The following ADAMTS19 variants were observed in gnomAD, a reference collection of about 807,000 sequenced individuals.
ADAMTS19 encodes A disintegrin and metalloproteinase with thrombospondin motifs 19.
Under a neutral mutation model 153.3 loss-of-function variants are expected in ADAMTS19, and 93 were observed. The observed-to-expected ratio is 0.61, with a 90% CI of 0.51 to 0.72. The LOEUF is 0.72. Ranked by LOEUF, ADAMTS19 falls within the 30% of genes least tolerant of loss-of-function variation. The probability of loss-of-function intolerance (pLI) is 0.00; values close to 1 mark genes in which losing one functional copy is unlikely to be tolerated. For synonymous variants in ADAMTS19, 600 were observed against 556.6 expected (o/e 1.08, Z -1.10); for missense variants, 1,482 against 1,552.1 (o/e 0.95, Z 0.76).
chr5:129,552,517 C>T (rs973924096), intron 7 of ADAMTS19, among the ~76,000 whole-genome samples: 47 of 151,140 alleles, frequency 3.1e-4, no homozygotes, highest in East Asian at 9.7e-4. Flanking sequence ...TCCAAAGATA[C>T]CCCAGTCTTT....
rs190422604 is a variant in ADAMTS19, at chr5:129,539,311, A to T, written c.1328+10634A>T. 3.9e-5 allele frequency among the ~76,000 whole-genome samples: 6 copies of T among 152,190 alleles called. No homozygotes were observed. The East Asian group carries it at 1.2e-3, about 29-fold the overall frequency. On this transcript the variant is annotated intron_variant, in intron 6 of 22. Coordinates refer to ENST00000274487, the MANE Select transcript of ADAMTS19 (RefSeq NM_133638.6). The stretch of plus-strand genomic sequence containing the variant: ...GGCAGAAGTTCAAAGTCAGAGAAGG[A>T]CTGGAAGATGCTATAAACCCAGTTT...
chr5:129,461,208 G>A lies in ADAMTS19; in HGVS notation c.198G>A (p.Pro66=). The A allele has an allele frequency of 2.3e-6, 3 of 1,290,472 alleles. No homozygotes were observed. The highest frequency in any genetic ancestry group is 2.7e-5 in the South Asian group (1 of 36,628). The allele number at this position is 1,290,472 out of a possible 1,614,324, so 79.9% of individuals were successfully genotyped here. Residue 66 remains proline (P), a synonymous_variant, in exon 2 of 23, where the codon CCG becomes CCA. Coordinates refer to ENST00000274487, the MANE Select transcript of ADAMTS19 (RefSeq NM_133638.6). The surrounding 1 kb of genome is among the most constrained non-coding windows in gnomAD (Gnocchi z 4.6). ...PAGGSGGSAD[P]GWVRGVGGGG... is the part of the protein sequence containing the mutation. ...GCGGCAGCGGGGGCAGCGCGGACCC[G>A]GGCTGGGTGCGCGGCGTTGGGGGCG...
At chr5:129,553,693 AT>A (rs1753214638) in intron 7 of ADAMTS19, among the ~76,000 whole-genome samples, 2 of 152,208 alleles carry the variant, frequency 1.3e-5, no homozygotes, top group South Asian at 4.1e-4. Flanking sequence ...CTTATGGCAG[AT>A]TTTTTTCCTT....
At chr5:129,556,163 G>C (rs1205565070) in intron 7 of ADAMTS19, among the ~76,000 whole-genome samples, 1 of 152,046 alleles carries the variant, frequency 6.6e-6, no homozygotes, top group Non-Finnish European at 1.5e-5. Flanking sequence ...AGATGGTTTG[G>C]TAGGTCAGTA....
intron 7 of ADAMTS19, among the ~76,000 whole-genome samples, chr5:129,582,556 T>C (rs1238038333): frequency 1.3e-5 from 2 of 151,812 alleles, no homozygotes; most frequent in Non-Finnish European, 2.9e-5. Context: ...TCCTAGTCTG[T>C]GTCTTTTATT....
chr5:129,642,574 T>C (rs572846737), intron 11 of ADAMTS19, among the ~76,000 whole-genome samples: 1 of 152,356 alleles, frequency 6.6e-6, no homozygotes, highest in Non-Finnish European at 1.5e-5. Flanking sequence ...TTAATAATTA[T>C]GGTTAACATA....
intron 21 of ADAMTS19, among the ~76,000 whole-genome samples, chr5:129,712,041 C>G (rs1424876199): frequency 6.7e-6 from 1 of 150,188 alleles, no homozygotes; most frequent in African/African-American, 2.5e-5. Context: ...TAGATTGAAA[C>G]TAAACTGAAA....
intron 2 of ADAMTS19, among the ~76,000 whole-genome samples, chr5:129,485,251 C>G (rs1750550903): frequency 6.6e-6 from 1 of 151,966 alleles, no homozygotes; most frequent in Non-Finnish European, 1.5e-5. Context: ...TACTAAATAA[C>G]ATGAGACAAA....
chr5:129,588,728 G>A (rs1749945560), intron 7 of ADAMTS19, among the ~76,000 whole-genome samples: 1 of 151,404 alleles, frequency 6.6e-6, no homozygotes. Flanking sequence ...AGCTCTTTGG[G>A]GGTTATTTTA....
At chr5:129,668,059 C>T (rs942319256) in intron 16 of ADAMTS19, among the ~76,000 whole-genome samples, 9 of 152,150 alleles carry the variant, frequency 5.9e-5, no homozygotes, top group African/African-American at 1.9e-4. Flanking sequence ...TGCAGTGTTA[C>T]ACTATCTCTG....
intron 19 of ADAMTS19, among the ~76,000 whole-genome samples, chr5:129,695,986 G>A (rs962583548): frequency 6.6e-6 from 1 of 152,138 alleles, no homozygotes; most frequent in African/African-American, 2.4e-5. Flanking sequence ...CTACCACAAA[G>A]AGTAGGTATG....
At chr5:129,623,107 T>A (rs1192993274) in intron 10 of ADAMTS19, among the ~76,000 whole-genome samples, 1 of 152,220 alleles carries the variant, frequency 6.6e-6, no homozygotes. Context: ...TTTAGAAGTA[T>A]CTTTTATAGG....
chr5:129,578,165 T>C (rs1749288663), intron 7 of ADAMTS19, among the ~76,000 whole-genome samples: 1 of 82,678 alleles, frequency 1.2e-5, no homozygotes, highest in Non-Finnish European at 2.7e-5. Flanking sequence ...TACGTATACG[T>C]ACATATACCT....
At chr5:129,583,402 C>T (rs561309148) in intron 7 of ADAMTS19, among the ~76,000 whole-genome samples, 9 of 152,088 alleles carry the variant, frequency 5.9e-5, no homozygotes, top group African/African-American at 1.2e-4. Context: ...GGTTGCTGTC[C>T]TTGAGGAGTA....
chr5:129,622,409 GAGA>G, intron 10 of ADAMTS19, 61 bp downstream of exon 10: 1 of 1,575,182 alleles, frequency 6.3e-7, no homozygotes, highest in Non-Finnish European at 8.7e-7. Context: ...TGATTGGTAG[GAGA>G]AGGTAACATT....
chr5:129,525,137 C>T (rs937944244), intron 3 of ADAMTS19, among the ~76,000 whole-genome samples: 20 of 152,062 alleles, frequency 1.3e-4, no homozygotes, highest in Admixed American at 3.3e-4. Context: ...TTTGTACATG[C>T]GATTTGTATG....
chr5:129,546,741 T>C (rs1417357086), intron 6 of ADAMTS19, among the ~76,000 whole-genome samples: 1 of 151,170 alleles, frequency 6.6e-6, no homozygotes, highest in Non-Finnish European at 1.5e-5. Context: ...TGCTGAAGAA[T>C]GTACTTAAAG....
intron 6 of ADAMTS19, among the ~76,000 whole-genome samples, chr5:129,535,846 A>C (rs1415110499): frequency 2.0e-5 from 3 of 152,184 alleles, no homozygotes; most frequent in African/African-American, 7.2e-5. Flanking sequence ...TGCTGGGAAA[A>C]CTGGCTAGCC....
chr5:129,605,431 G>C (rs972630440), intron 8 of ADAMTS19, among the ~76,000 whole-genome samples: 1 of 152,140 alleles, frequency 6.6e-6, no homozygotes, highest in African/African-American at 2.4e-5. Context: ...TTTGATTTCT[G>C]CCTGGAAAGT....
Sources: gnomAD v4.1 joint callset for allele counts (sites outside exome capture counted in the v4.1 genomes callset) on GRCh38, gnomAD v4.1.1 for gene constraint, Gnocchi (gnomAD v3.1) non-coding constraint, MANE v1.5 for transcripts, NCBI Gene and HGNC (gene_info 2026-07-23, HGNC 2026-07-21) for gene names.